The following YEATS4 variants were observed in gnomAD, a reference collection of about 807,000 sequenced individuals.
YEATS4 encodes YEATS domain-containing protein 4.
In YEATS4, 17 loss-of-function variants were observed where a neutral mutation model predicts 30.1. The ratio of observed to expected loss-of-function variants is 0.56; its 90% CI spans 0.39 to 0.85. The LOEUF (loss-of-function observed/expected upper bound fraction) is 0.85, where lower values mean the gene tolerates loss of function less well. Among genes scored for constraint, YEATS4 ranks in the 40% least tolerant of loss-of-function variants. The pLI is 0.00. For missense variants in YEATS4, 142 were observed against 268.3 expected, an observed-to-expected ratio of 0.53 and a Z score of 3.29; for synonymous variants, 85 against 87.5, an observed-to-expected ratio of 0.97 and a Z score of 0.16.
At chr12:69,394,719 C>A (rs1053753783), downstream of YEATS4, among the ~76,000 whole-genome samples, 3 of 152,052 alleles carry the variant, frequency 2.0e-5, no homozygotes, top group Non-Finnish European at 4.4e-5. Flanking sequence ...GTGATCCTCC[C>A]AACTCAAGCT....
At chr12:69,362,015 T>TG (rs1314880256) in intron 1 of YEATS4, among the ~76,000 whole-genome samples, 41 of 111,730 alleles carry the variant, frequency 3.7e-4, no homozygotes, top group African/African-American at 1.2e-3. Context: ...GTTTGGTTGT[T>TG]TTTTTTTTTT....
downstream of YEATS4, among the ~76,000 whole-genome samples, chr12:69,394,273 C>T (rs1868335568): frequency 6.6e-6 from 1 of 152,052 alleles, no homozygotes; most frequent in African/African-American, 2.4e-5. Flanking sequence ...TGCAACCCTT[C>T]TAAATGGAGA....
intron 1 of YEATS4, among the ~76,000 whole-genome samples, chr12:69,361,590 C>T (rs755041311): frequency 1.4e-4 from 22 of 152,032 alleles, no homozygotes; most frequent in Admixed American, 2.0e-4. Flanking sequence ...CGTGCCTGGC[C>T]GCTTTTCTTC....
intron 6 of YEATS4, among the ~76,000 whole-genome samples, chr12:69,385,822 T>A (rs1270183671): frequency 6.6e-6 from 1 of 152,208 alleles, no homozygotes; most frequent in Non-Finnish European, 1.5e-5. Flanking sequence ...CTTAACTTAT[T>A]TAATACTCTA....
chr12:69,407,943 C>T, the YEATS4 span, among the ~76,000 whole-genome samples: 7 of 151,932 alleles, frequency 4.6e-5, no homozygotes, highest in African/African-American at 7.2e-5. Context: ...CTCGAACTCC[C>T]GACCTCAGGT....
At chr12:69,366,629 A>G (rs1328948253) in intron 4 of YEATS4, among the ~76,000 whole-genome samples, 1 of 152,168 alleles carries the variant, frequency 6.6e-6, no homozygotes, top group Admixed American at 6.5e-5. Flanking sequence ...GTCAAAACTC[A>G]GTAATGGCTC....
the YEATS4 span, among the ~76,000 whole-genome samples, chr12:69,407,411 G>T: frequency 2.6e-5 from 4 of 151,990 alleles, no homozygotes; most frequent in African/African-American, 9.7e-5. Flanking sequence ...ATGAAAAATG[G>T]GCCTGTATTT....
chr12:69,373,968 T>G (rs1251802048), intron 6 of YEATS4, among the ~76,000 whole-genome samples: 2 of 152,192 alleles, frequency 1.3e-5, no homozygotes, highest in African/African-American at 2.4e-5. Context: ...GGTTCTCTAG[T>G]CTGTTCCGTT....
chr12:69,420,396 T>G, the YEATS4 span, among the ~76,000 whole-genome samples: 2 of 148,890 alleles, frequency 1.3e-5, no homozygotes, highest in Non-Finnish European at 3.0e-5. Flanking sequence ...GAAAGGGACC[T>G]GGTTTGGTTA....
the YEATS4 span, among the ~76,000 whole-genome samples, chr12:69,425,786 G>A: frequency 2.6e-5 from 4 of 152,286 alleles, no homozygotes; most frequent in East Asian, 7.7e-4. Context: ...GGACCACTCT[G>A]TGCACCATAA....
downstream of YEATS4, among the ~76,000 whole-genome samples, chr12:69,393,353 A>G (rs767816193): frequency 4.6e-5 from 7 of 152,182 alleles, no homozygotes; most frequent in African/African-American, 7.2e-5. Context: ...CTGTAGTCCT[A>G]GCTGCTCAGG....
chr12:69,422,363 G>A, the YEATS4 span, among the ~76,000 whole-genome samples: 1 of 152,168 alleles, frequency 6.6e-6, no homozygotes, highest in Non-Finnish European at 1.5e-5. Flanking sequence ...CAGGTGCAGT[G>A]GCTCACGCCT....
Position 69,382,830 on chromosome 12 carries a change from G to GT in YEATS4, c.515-7313dup, listed in dbSNP as rs1241391673. On this transcript the variant is annotated intron_variant, in intron 6 of 6. Transcript: ENST00000247843. ...AATAGGTACAGGAGGATTTGCTGAT[G>GT]TTTTGAATAATGAGGTATTGGAGAA... 2.6e-5 allele frequency among the ~76,000 whole-genome samples: 4 copies of GT among 152,348 alleles called. No homozygotes were observed. In the South Asian group the frequency reaches 6.2e-4, roughly 24 times the overall value.
rs1298991968 is a variant in YEATS4 at position 69,362,844 on chromosome 12, GAA to G, written c.111_112del (p.Glu39ArgfsTer16). On this transcript the variant is annotated frameshift_variant, in exon 2 of 7. Coordinates refer to ENST00000247843, the MANE Select transcript of YEATS4 (RefSeq NM_006530.4). LOFTEE classifies it high-confidence loss of function. ...GTAATGTTGCTCGGTATTTTGGAAAGAAAAGAGAAGAAGATGGGCACACTCAT... is the reference window on the plus strand; with the variant it reads ...GTAATGTTGCTCGGTATTTTGGAAAGAAGAGAAGAAGATGGGCACACTCAT... ...YGNVARYFGK[K>X]REEDGHTHQW... 38 of 1,612,600 alleles carry G rather than the reference GAA, an allele frequency of 2.4e-5. No individual in the cohort carries two copies. The highest frequency in any genetic ancestry group is 3.3e-5 in the South Asian group (3 of 90,996).
At chr12:69,382,122 A>G (rs187248282) in intron 6 of YEATS4, among the ~76,000 whole-genome samples, 68 of 152,318 alleles carry the variant, frequency 4.5e-4, no homozygotes, top group African/African-American at 1.4e-3. Flanking sequence ...CCCATGAATA[A>G]TCAGTCTCAT....
chr12:69,417,727 G>C, the YEATS4 span, among the ~76,000 whole-genome samples: 1 of 152,040 alleles, frequency 6.6e-6, no homozygotes, highest in Non-Finnish European at 1.5e-5. Context: ...TGGTGTTTCT[G>C]TGAAAACAAC....
At chr12:69,420,553 T>C in the YEATS4 span, among the ~76,000 whole-genome samples, 6,019 of 152,026 alleles carry the variant, frequency 0.04, 171 homozygotes, top group Non-Finnish European at 0.062. Flanking sequence ...CAGAGAGAAA[T>C]TTGGCAGCTC....
chr12:69,359,833 AGCCCAAGTAACTC>A lies in YEATS4; in HGVS notation c.-135_-123del. The A allele has an allele frequency of 1.0e-6, 1 of 976,216 alleles. No homozygotes were observed. The highest frequency in any genetic ancestry group is 1.7e-5 in the South Asian group (1 of 60,486). 60.5% of individuals were successfully genotyped at this position (976,216 alleles called of 1,614,324 possible). On this transcript the variant is annotated 5_prime_UTR_variant, in exon 1 of 7. Coordinates refer to ENST00000247843, the MANE Select transcript of YEATS4 (RefSeq NM_006530.4). ...GAGTTGACGGTTACTCACCGCCGTG[AGCCCAAGTAACTC>A]GCCCTCCTTCGGCTAGAAACCCTCC...
rs1875407480 is a variant in YEATS4, at chr12:69,365,827, A to T, written c.276A>T (p.Gly92=). ...CTCCATATGAAATTACTGAAACAGG[A>T]TGGGGTGAATTCGAAATAATCATCA... ...TKPPYEITET[G]WGEFEIIIKI... Residue 92 remains glycine, a synonymous_variant, in exon 4 of 7, where the codon GGA becomes GGT. Coordinates refer to ENST00000247843, the MANE Select transcript of YEATS4 (RefSeq NM_006530.4). The T allele has an allele frequency of 9.3e-6, 15 of 1,611,324 alleles. No homozygotes were observed. Among genetic ancestry groups the T allele is most frequent in the Non-Finnish European group, 1.3e-5 (15 of 1,179,154 alleles).
Sources: allele counts gnomAD v4.1 joint callset (sites outside exome capture counted in the v4.1 genomes callset), GRCh38; gene constraint gnomAD v4.1.1; transcripts MANE v1.5; gene names NCBI Gene and HGNC (gene_info 2026-07-23, HGNC 2026-07-21).